The following TMEM114 variants were observed in gnomAD, a reference collection of about 807,000 sequenced individuals.
TMEM114 encodes claudin-26.
Under a neutral mutation model 6.2 loss-of-function variants are expected in TMEM114, and 6 were observed. The observed-to-expected ratio is 0.97, with a 90% CI of 0.53 to 1.91. The LOEUF (loss-of-function observed/expected upper bound fraction) is 1.91, where lower values mean the gene tolerates loss of function less well. Among genes scored for constraint, TMEM114 ranks in the 40% most tolerant of loss-of-function variants. TMEM114 has a pLI of 0.01. For missense variants in TMEM114, 218 were observed against 158.3 expected (o/e 1.38, Z -2.02); for synonymous variants, 104 against 73.0 (o/e 1.42, Z -2.16).
chr16:8,553,306 G>T (rs1367458331), intron 2 of TMEM114, among the ~76,000 whole-genome samples: 4 of 152,168 alleles, frequency 2.6e-5, no homozygotes, highest in African/African-American at 7.2e-5. Context: ...GGCCACGGGT[G>T]GTCCCTGTGG....
At chr16:8,583,677 G>GT (rs1247322637) in intron 2 of TMEM114, among the ~76,000 whole-genome samples, 1 of 151,990 alleles carries the variant, frequency 6.6e-6, no homozygotes, top group Non-Finnish European at 1.5e-5. Flanking sequence ...GAGCCTGGGA[G>GT]TTCGAGGCTG....
the TMEM114 span, among the ~76,000 whole-genome samples, chr16:8,527,540 A>G: frequency 1.5e-5 from 1 of 68,144 alleles, no homozygotes; most frequent in Non-Finnish European, 3.3e-5. Flanking sequence ...AGTCTGTAGT[A>G]AGATTTTTTT....
chr16:8,538,061 G>A (rs925362288), intron 2 of TMEM114, among the ~76,000 whole-genome samples: 1 of 144,168 alleles, frequency 6.9e-6, no homozygotes, highest in African/African-American at 2.6e-5. Context: ...CACTTTGTGA[G>A]GCCAGGGCAG....
intron 2 of TMEM114, among the ~76,000 whole-genome samples, chr16:8,550,485 C>T (rs947633766): frequency 1.3e-5 from 2 of 152,034 alleles, no homozygotes; most frequent in African/African-American, 2.4e-5. Context: ...TTGAGAGCAG[C>T]CTGACCAACA....
intron 2 of TMEM114, among the ~76,000 whole-genome samples, chr16:8,547,482 T>G (rs1465112171): frequency 1.3e-5 from 2 of 150,986 alleles, no homozygotes; most frequent in Non-Finnish European, 3.0e-5. Flanking sequence ...AACCTCTGCC[T>G]CCTGGGTTCA....
At chr16:8,533,031 T>C (rs74007827), downstream of TMEM114, among the ~76,000 whole-genome samples, 23 of 152,304 alleles carry the variant, frequency 1.5e-4, no homozygotes, top group Non-Finnish European at 2.9e-4. Context: ...GATATCATGA[T>C]GAACAACATA....
At chr16:8,582,914 G>T (rs1395079556) in intron 2 of TMEM114, among the ~76,000 whole-genome samples, 1 of 151,808 alleles carries the variant, frequency 6.6e-6, no homozygotes, top group Non-Finnish European at 1.5e-5. Context: ...GGAAGGGCAG[G>T]GAAGAGCAGG....
At chr16:8,568,744 A>G (rs1901626354), downstream of TMEM114, among the ~76,000 whole-genome samples, 1 of 152,208 alleles carries the variant, frequency 6.6e-6, no homozygotes, top group Non-Finnish European at 1.5e-5. Flanking sequence ...CAGGAACAGA[A>G]TCTCAGCCAT....
At chr16:8,587,786 T>G (rs1438473927) in intron 2 of TMEM114, among the ~76,000 whole-genome samples, 1 of 152,154 alleles carries the variant, frequency 6.6e-6, no homozygotes, top group African/African-American at 2.4e-5. Flanking sequence ...GAGGCTGCAG[T>G]GAGCTAAGAC....
At chr16:8,576,326 C>T (rs1012947352) in intron 2 of TMEM114, among the ~76,000 whole-genome samples, 3 of 152,234 alleles carry the variant, frequency 2.0e-5, no homozygotes, top group African/African-American at 7.2e-5. Context: ...CCTCCAAAGA[C>T]ACCCCATCAA....
intron 2 of TMEM114, among the ~76,000 whole-genome samples, chr16:8,553,061 G>A (rs1260208783): frequency 2.6e-5 from 4 of 152,122 alleles, no homozygotes; most frequent in South Asian, 2.1e-4. Context: ...TTTTTCTTCC[G>A]ACTTCTCATC....
At position 8,552,053 on chromosome 16, in the gene TMEM114, G is replaced by T. The variant is rs535153060; in HGVS notation, n.213-14227C>A. Among the ~76,000 whole-genome samples the T allele has an allele frequency of 3.9e-5, 6 of 152,240 alleles. No individual in the cohort carries two copies. In the South Asian group the frequency reaches 1.2e-3, roughly 32 times the overall value. On this transcript the variant is annotated intron_variant and non_coding_transcript_variant, in intron 2 of 2. Coordinates refer to the TMEM114 transcript ENST00000623677. ...TACAGAGCTCCAAAGCTAGAGGACA[G>T]AGGAGTGATTTCCAGGGGTGAAACA...
At chr16:8,529,494 C>T in the TMEM114 span, among the ~76,000 whole-genome samples, 13 of 152,260 alleles carry the variant, frequency 8.5e-5, no homozygotes, top group East Asian at 3.9e-4. Flanking sequence ...AGTGTTTCTA[C>T]GACTGTGGTC....
At chr16:8,535,045 T>C (rs1306281340), downstream of TMEM114, among the ~76,000 whole-genome samples, 3 of 152,142 alleles carry the variant, frequency 2.0e-5, no homozygotes, top group African/African-American at 7.2e-5. Flanking sequence ...GGTGCTGAGA[T>C]GCTATGGTGG....
chr16:8,572,995 G>A (rs925530618), intron 2 of TMEM114, among the ~76,000 whole-genome samples: 17 of 152,314 alleles, frequency 1.1e-4, no homozygotes, highest in Non-Finnish European at 2.5e-4. Context: ...TTCACTGACT[G>A]GAGTGCCGGC....
chr16:8,558,787 C>G (rs1901100792), intron 2 of TMEM114, among the ~76,000 whole-genome samples: 1 of 151,746 alleles, frequency 6.6e-6, no homozygotes, highest in African/African-American at 2.4e-5. Context: ...GTCACCCAGG[C>G]TGGAGTGCAA....
intron 2 of TMEM114, among the ~76,000 whole-genome samples, chr16:8,579,786 T>G (rs1902072808): frequency 6.6e-6 from 1 of 152,134 alleles, no homozygotes; most frequent in African/African-American, 2.4e-5. Flanking sequence ...TTCAAGGAAC[T>G]TATATCAACT....
intron 2 of TMEM114, among the ~76,000 whole-genome samples, chr16:8,578,193 G>A (rs568528631): frequency 6.6e-6 from 1 of 152,274 alleles, no homozygotes; most frequent in South Asian, 2.1e-4. Flanking sequence ...TGTGGCCACT[G>A]TAACACATGA....
intron 2 of TMEM114, among the ~76,000 whole-genome samples, chr16:8,559,000 C>A (rs1002365487): frequency 3.3e-5 from 5 of 151,792 alleles, no homozygotes; most frequent in African/African-American, 9.7e-5. Context: ...ACCTCAGCCT[C>A]CCAAAGTGCT....
Sources: allele counts gnomAD v4.1 joint callset (sites outside exome capture counted in the v4.1 genomes callset), GRCh38; gene constraint gnomAD v4.1.1; transcripts MANE v1.5; gene names NCBI Gene and HGNC (gene_info 2026-07-23, HGNC 2026-07-21).